GRIP2: variants seen among roughly 807,000 people sequenced by gnomAD.
GRIP2 encodes the protein glutamate receptor-interacting protein 2.
Under a neutral mutation model 108.3 loss-of-function variants are expected in GRIP2, and 58 were observed. That is an observed-to-expected ratio of 0.54 (90% confidence interval 0.43 to 0.67). The LOEUF (loss-of-function observed/expected upper bound fraction) is 0.67. GRIP2 is among the 30% of genes least tolerant of loss of function. The probability of loss-of-function intolerance (pLI) is 0.00; values close to 1 mark genes in which losing one functional copy is unlikely to be tolerated. For missense variants in GRIP2, 1,278 were observed against 1,430.6 expected, an observed-to-expected ratio of 0.89 and a Z score of 1.72; for synonymous variants, 586 against 598.2, an observed-to-expected ratio of 0.98 and a Z score of 0.30.
At chr3:14,548,712 A>G (rs867494302) in intron 1 of GRIP2, among the ~76,000 whole-genome samples, 2 of 152,198 alleles carry the variant, frequency 1.3e-5, no homozygotes, top group African/African-American at 2.4e-5. Flanking sequence ...ACACTGTCTC[A>G]TGGAATCTTT....
rs1312077429 is a variant in GRIP2, at chr3:14,511,147, C to A, written c.1933+18G>T. 1.9e-6 allele frequency: 3 copies of A among 1,612,868 alleles called. No homozygotes were observed. The highest frequency in any genetic ancestry group is 1.7e-5 in the Admixed American group (1 of 59,944). ...AGGGTGGGCCTCTGGAGGTAGGAGGCCAGCATGAGGGCCATACCAGAGTTG... is the reference window on the plus strand; with the variant it reads ...AGGGTGGGCCTCTGGAGGTAGGAGGACAGCATGAGGGCCATACCAGAGTTG... On this transcript the variant is annotated intron_variant, in intron 16 of 23. Transcript: ENST00000621039. This position sits in a 1 kb window ranked among gnomAD's most constrained non-coding sequence, Gnocchi z 4.1.
At chr3:14,571,056 C>T in the GRIP2 span, among the ~76,000 whole-genome samples, 1 of 152,164 alleles carries the variant, frequency 6.6e-6, no homozygotes, top group Non-Finnish European at 1.5e-5. Context: ...CATACCCTCT[C>T]CCCACTTGTG....
At chr3:14,516,040 T>C (rs1031911649) in intron 11 of GRIP2, among the ~76,000 whole-genome samples, 29 of 152,232 alleles carry the variant, frequency 1.9e-4, no homozygotes, top group African/African-American at 6.7e-4. Flanking sequence ...GCAATAATGA[T>C]AGTACTTTCT....
intron 11 of GRIP2, among the ~76,000 whole-genome samples, chr3:14,515,631 A>G (rs921094880): frequency 6.6e-6 from 1 of 151,844 alleles, no homozygotes; most frequent in African/African-American, 2.4e-5. Flanking sequence ...TTGTGTTTTT[A>G]TATGTATTTA....
chr3:14,489,473 A>G lies in GRIP2; in HGVS notation c.*4192T>C, dbSNP rs1260130086. ...TCAAAGGTAGGTATTTTCCCAGGTT[A>G]GAGGTTCCCACATGGAGGCTCACAG... On this transcript the variant is annotated 3_prime_UTR_variant, in exon 24 of 24. Coordinates refer to ENST00000621039, the MANE Select transcript of GRIP2 (RefSeq NM_001080423.4). The G allele has an allele frequency of 6.6e-6, 1 of 152,598 alleles. No individual in the cohort carries two copies. The highest frequency in any genetic ancestry group is 2.4e-5 in the African/African-American group (1 of 41,440). The allele number at this position is 152,598 out of a possible 1,614,324, so 9.5% of individuals were successfully genotyped here. A position where few individuals can be genotyped will look rare whatever the true frequency, so the allele number is the denominator to read the frequency against.
At chr3:14,599,044 T>C in the GRIP2 span, among the ~76,000 whole-genome samples, 22 of 152,196 alleles carry the variant, frequency 1.4e-4, no homozygotes, top group African/African-American at 4.3e-4. Flanking sequence ...ATATCACTGA[T>C]GACTCTCTGA....
the GRIP2 span, among the ~76,000 whole-genome samples, chr3:14,593,935 T>C: frequency 1.3e-5 from 2 of 152,234 alleles, no homozygotes; most frequent in East Asian, 3.8e-4. Flanking sequence ...TCTATTTGCA[T>C]GACCCTGATG....
the GRIP2 span, among the ~76,000 whole-genome samples, chr3:14,590,912 A>C: frequency 6.6e-6 from 1 of 152,230 alleles, no homozygotes; most frequent in Admixed American, 6.5e-5. Context: ...GTTCTACTCC[A>C]TTGAAAACTT....
the GRIP2 span, among the ~76,000 whole-genome samples, chr3:14,571,423 C>T: frequency 3.9e-5 from 6 of 152,198 alleles, no homozygotes; most frequent in Non-Finnish European, 7.3e-5. Context: ...CTCAGAGCCA[C>T]TGTCTGCACC....
rs191249336 is a variant in GRIP2 at position 14,505,562 on chromosome 3, C to T, written c.2573+53G>A. The T allele has an allele frequency of 5.5e-4, 857 of 1,568,104 alleles. 6 individuals carry two copies. In the Middle Eastern group the frequency reaches 0.02, roughly 36 times the overall value. ...CTTTGGCACAGGCACCCTCGCCCAC[C>T]CCAGCCAAGACACTGTGACTCCCTC... On this transcript the variant is annotated intron_variant, in intron 20 of 23. Transcript: ENST00000621039. The surrounding 1 kb of genome is among the most constrained non-coding windows in gnomAD (Gnocchi z 4.2).
rs1385806833 is a variant in GRIP2, at chr3:14,506,797, T to A, written c.2398+4A>T. 3.1e-6 allele frequency: 5 copies of A among 1,587,714 alleles called. No homozygotes were observed. In the East Asian group the frequency reaches 1.2e-4, roughly 37 times the overall value. ...CCACTTGTCCAAGGGCCCCAAGGTATTACCTGGGCCCCCAAAGCCACCCTC... is the reference window on the plus strand; with the variant it reads ...CCACTTGTCCAAGGGCCCCAAGGTAATACCTGGGCCCCCAAAGCCACCCTC... On this transcript the variant is annotated splice_donor_region_variant and intron_variant, in intron 19 of 23. Coordinates refer to ENST00000621039, the MANE Select transcript of GRIP2 (RefSeq NM_001080423.4).
the GRIP2 span, among the ~76,000 whole-genome samples, chr3:14,593,397 C>T: frequency 3.3e-5 from 5 of 152,224 alleles, no homozygotes; most frequent in Admixed American, 6.5e-5. Context: ...TCATGGCTCC[C>T]GCTTCCGGCA....
intron 17 of GRIP2, among the ~76,000 whole-genome samples, chr3:14,508,157 C>T (rs1296803914): frequency 6.6e-6 from 1 of 152,230 alleles, no homozygotes; most frequent in African/African-American, 2.4e-5. Flanking sequence ...GCCATTGCCC[C>T]TTCCTGGGCC....
the GRIP2 span, among the ~76,000 whole-genome samples, chr3:14,580,269 C>T: frequency 1.3e-5 from 2 of 152,224 alleles, no homozygotes; most frequent in African/African-American, 4.8e-5. Context: ...GCTAAGGCCC[C>T]ATGGCCTCTC....
Position 14,511,457 on chromosome 3 carries a change from C to T in GRIP2, c.1743G>A (p.Glu581=). 1.2e-6 allele frequency: 2 copies of T among 1,613,676 alleles called. No individual in the cohort carries two copies. The highest frequency in any genetic ancestry group is 2.2e-5 in the East Asian group (1 of 44,876). ...TISSASRKRG[E]PLIISDIKKG... ...TCTTGATGTCGGAGATGATCAAGGG[C>T]TCCCCTCGTTTCCTGCTGGCCGCTG... is the stretch of plus-strand genomic sequence containing the variant. Residue 581 remains glutamate, a synonymous_variant, in exon 15 of 24, where the codon GAG becomes GAA. Coordinates refer to ENST00000621039, the MANE Select transcript of GRIP2 (RefSeq NM_001080423.4). This position sits in a 1 kb window ranked among gnomAD's most constrained non-coding sequence, Gnocchi z 4.1.
chr3:14,494,609 C>T (rs889336233), intron 23 of GRIP2, among the ~76,000 whole-genome samples: 4 of 152,164 alleles, frequency 2.6e-5, no homozygotes, highest in Non-Finnish European at 5.9e-5. Flanking sequence ...TCCATCAGCC[C>T]GGGACAAGAA....
At chr3:14,503,000 G>T (rs899664587) in intron 21 of GRIP2, among the ~76,000 whole-genome samples, 8 of 152,184 alleles carry the variant, frequency 5.3e-5, no homozygotes, top group African/African-American at 1.9e-4. Context: ...GACTTAGCGA[G>T]ATCCTCTCTG....
the GRIP2 span, among the ~76,000 whole-genome samples, chr3:14,563,463 G>A: frequency 2.6e-5 from 4 of 152,146 alleles, no homozygotes; most frequent in Non-Finnish European, 4.4e-5. Flanking sequence ...CTTGGTGGGC[G>A]GGGGCTGGGG....
chr3:14,568,573 T>C, the GRIP2 span, among the ~76,000 whole-genome samples: 510 of 152,276 alleles, frequency 3.3e-3, 4 homozygotes, highest in African/African-American at 0.011. Flanking sequence ...TTGGGACTCA[T>C]ACCTGACTCA....
Sources: allele counts gnomAD v4.1 joint callset (sites outside exome capture counted in the v4.1 genomes callset), GRCh38; gene constraint gnomAD v4.1.1; non-coding constraint Gnocchi (gnomAD v3.1); transcripts MANE v1.5; gene names NCBI Gene and HGNC (gene_info 2026-07-23, HGNC 2026-07-21).